TRPM3: variants seen among roughly 807,000 people sequenced by gnomAD.
The protein encoded by TRPM3 is transient receptor potential cation channel subfamily M member 3, also known as long transient receptor potential channel 3.
Under a neutral mutation model 181.2 loss-of-function variants are expected in TRPM3, and 77 were observed. That is an observed-to-expected ratio of 0.42 (90% CI 0.35 to 0.51). The LOEUF (loss-of-function observed/expected upper bound fraction) is 0.51, where lower values mean the gene tolerates loss of function less well. Ranked by LOEUF, TRPM3 falls within the 20% of genes least tolerant of loss-of-function variation. TRPM3 has a pLI of 0.01. For synonymous variants in TRPM3, 745 were observed against 796.4 expected (o/e 0.94, Z 1.09); for missense variants, 1,759 against 2,196.7 (o/e 0.80, Z 3.98).
At chr9:71,387,067 T>C (rs1033257463) in intron 1 of TRPM3, among the ~76,000 whole-genome samples, 2 of 152,192 alleles carry the variant, frequency 1.3e-5, no homozygotes, top group African/African-American at 2.4e-5. Context: ...ATAAGTTAGG[T>C]CAAATTTTTC....
At chr9:71,183,020 G>A (rs1376437324) in intron 1 of TRPM3, among the ~76,000 whole-genome samples, 1 of 151,798 alleles carries the variant, frequency 6.6e-6, no homozygotes, top group Non-Finnish European at 1.5e-5. Context: ...TCCCAAAGTG[G>A]GGTAAAAAAA....
intron 11 of TRPM3, among the ~76,000 whole-genome samples, chr9:70,635,808 T>C (rs1016868098): frequency 1.3e-5 from 2 of 152,104 alleles, no homozygotes; most frequent in Non-Finnish European, 2.9e-5. Context: ...TTGAATTGTA[T>C]TTCCTCAAGC....
At chr9:71,375,030 T>C (rs1422937052) in intron 1 of TRPM3, among the ~76,000 whole-genome samples, 2 of 152,154 alleles carry the variant, frequency 1.3e-5, no homozygotes, top group East Asian at 1.9e-4. Context: ...AAGTAATATA[T>C]AGATTCCATG....
At chr9:70,855,435 T>TAAATGCC (rs1402463699) in intron 3 of TRPM3, among the ~76,000 whole-genome samples, 1 of 152,222 alleles carries the variant, frequency 6.6e-6, no homozygotes, top group African/African-American at 2.4e-5. Flanking sequence ...CCCAGCTGTT[T>TAAATGCC]CAATGAAAAT....
chr9:70,648,006 T>C (rs761614960), intron 9 of TRPM3, among the ~76,000 whole-genome samples: 1 of 152,150 alleles, frequency 6.6e-6, no homozygotes, highest in East Asian at 1.9e-4. Flanking sequence ...AAGATCTCTA[T>C]AGCAAGAATT....
intron 1 of TRPM3, among the ~76,000 whole-genome samples, chr9:70,954,770 A>C (rs1455652063): frequency 6.6e-6 from 1 of 152,172 alleles, no homozygotes; most frequent in Non-Finnish European, 1.5e-5. Context: ...TCTGCTGTCA[A>C]CTGCACATCA....
At chr9:71,067,535 C>G (rs1262757886) in intron 1 of TRPM3, among the ~76,000 whole-genome samples, 2 of 152,114 alleles carry the variant, frequency 1.3e-5, no homozygotes, top group Non-Finnish European at 2.9e-5. Flanking sequence ...AATAAATCAT[C>G]TGTTTATACT....
At chr9:71,228,292 T>C (rs868486726) in intron 1 of TRPM3, among the ~76,000 whole-genome samples, 1 of 152,060 alleles carries the variant, frequency 6.6e-6, no homozygotes, top group African/African-American at 2.4e-5. Flanking sequence ...CGCTTCATGA[T>C]AAAACTCCAA....
intron 8 of TRPM3, among the ~76,000 whole-genome samples, chr9:70,686,604 C>CCCGA (rs2066862380): frequency 2.1e-5 from 1 of 47,636 alleles, no homozygotes; most frequent in Non-Finnish European, 4.0e-5. Flanking sequence ...CTCCCTCCCT[C>CCCGA]CCTCCCGCCC....
At chr9:70,971,557 T>C (rs1185348497) in intron 1 of TRPM3, among the ~76,000 whole-genome samples, 1 of 152,132 alleles carries the variant, frequency 6.6e-6, no homozygotes, top group African/African-American at 2.4e-5. Context: ...AAATGAATTC[T>C]TGTGAAGAAG....
chr9:70,942,083 A>G (rs551399325), intron 1 of TRPM3, among the ~76,000 whole-genome samples: 6 of 152,180 alleles, frequency 3.9e-5, no homozygotes, highest in Non-Finnish European at 7.3e-5. Context: ...AGACAAATGT[A>G]TCATACAGTT....
intron 1 of TRPM3, among the ~76,000 whole-genome samples, chr9:71,185,590 G>A (rs539688218): frequency 1.1e-4 from 17 of 152,040 alleles, no homozygotes; most frequent in African/African-American, 3.4e-4. Context: ...TTCTCCTGGA[G>A]CAATCTAAAG....
intron 1 of TRPM3, among the ~76,000 whole-genome samples, chr9:71,322,756 G>A (rs2089352212): frequency 6.6e-6 from 1 of 152,104 alleles, no homozygotes; most frequent in African/African-American, 2.4e-5. Flanking sequence ...AAGTTCTCAT[G>A]TATTTTCAAA....
At chr9:70,580,165 A>G (rs1214583569) in intron 22 of TRPM3, among the ~76,000 whole-genome samples, 1 of 152,196 alleles carries the variant, frequency 6.6e-6, no homozygotes, top group Non-Finnish European at 1.5e-5. Context: ...TGGCTTATCT[A>G]ATTTCCCTGA....
chr9:71,175,547 C>T (rs560980557), intron 1 of TRPM3, among the ~76,000 whole-genome samples: 2 of 152,244 alleles, frequency 1.3e-5, no homozygotes, highest in African/African-American at 2.4e-5. Context: ...GATGACTGGT[C>T]TTAGTGGTGG....
At chr9:71,175,317 A>G (rs1488887122) in intron 1 of TRPM3, among the ~76,000 whole-genome samples, 1 of 152,198 alleles carries the variant, frequency 6.6e-6, no homozygotes, top group Admixed American at 6.6e-5. Flanking sequence ...GCCTAATTCT[A>G]CCCTTTCCTC....
intron 1 of TRPM3, among the ~76,000 whole-genome samples, chr9:71,187,423 G>T (rs577050895): frequency 6.6e-6 from 1 of 151,846 alleles, no homozygotes; most frequent in South Asian, 2.1e-4. Context: ...CTAAGCAAAG[G>T]CCTCCAAAGC....
At chr9:71,134,797 A>G (rs888554748) in intron 1 of TRPM3, among the ~76,000 whole-genome samples, 1 of 152,170 alleles carries the variant, frequency 6.6e-6, no homozygotes. Context: ...AATCTAAGCC[A>G]CTAGAGACTT....
intron 8 of TRPM3, among the ~76,000 whole-genome samples, chr9:70,750,785 G>T (rs530438707): frequency 6.6e-6 from 1 of 152,164 alleles, no homozygotes; most frequent in African/African-American, 2.4e-5. Flanking sequence ...ACTGGAGGAT[G>T]TTGGATAGGC....
Sources: allele counts gnomAD v4.1 joint callset (sites outside exome capture counted in the v4.1 genomes callset), GRCh38; gene constraint gnomAD v4.1.1; transcripts MANE v1.5; gene names NCBI Gene and HGNC (gene_info 2026-07-23, HGNC 2026-07-21).